Variants in RYR3 observed in about 807,000 individuals in gnomAD.
RYR3 encodes ryanodine receptor 3.
Under a neutral mutation model 584.3 loss-of-function variants are expected in RYR3, and 207 were observed. That is an observed-to-expected ratio of 0.35 (90% CI 0.32 to 0.40). RYR3 has a LOEUF of 0.40. RYR3 is among the 10% of genes least tolerant of loss of function. The pLI, the probability that RYR3 is intolerant of heterozygous loss-of-function variation, is 1.00. For missense variants in RYR3, 5,616 were observed against 6,089.2 expected (o/e 0.92, Z 2.59); for synonymous variants, 2,416 against 2,248.5 (o/e 1.07, Z -2.11).
At chr15:33,473,398 G>T in intron 1 of RYR3, 21 bp from the exon 2 acceptor site, 2 of 1,613,376 alleles carry the variant, frequency 1.2e-6, no homozygotes, top group South Asian at 1.1e-5. Context: ...ACTCATGTTT[G>T]GGTCTCTCTT....
chr15:33,626,422 A>C lies in RYR3; in HGVS notation c.2575-2049A>C, dbSNP rs148483019. ...GAAATTTCTAAGCAGCAAAGCATTC[A>C]AGAGGAAGCAGAGCGTAAAAGTTTG... On this transcript the variant is annotated intron_variant, in intron 20 of 103. Coordinates refer to ENST00000634891, the MANE Select transcript of RYR3 (RefSeq NM_001036.6). 2.6e-5 allele frequency among the ~76,000 whole-genome samples: 4 copies of C among 152,330 alleles called. No homozygotes were observed. The East Asian group carries it at 7.7e-4, about 29-fold the overall frequency.
chr15:33,436,655 C>T (rs2045754669), intron 1 of RYR3, among the ~76,000 whole-genome samples: 1 of 147,372 alleles, frequency 6.8e-6, no homozygotes, highest in Non-Finnish European at 1.5e-5. Context: ...TGCCTGCCAC[C>T]ACGCCAGGCT....
chr15:33,802,206 C>T lies in RYR3; in HGVS notation c.10011+245C>T, dbSNP rs144293217. The T allele has an allele frequency of 4.7e-4, 286 of 609,428 alleles. 1 individual carries two copies. In the African/African-American group the frequency reaches 4.9e-3, roughly 10 times the overall value. 37.8% of individuals were successfully genotyped at this position (609,428 alleles called of 1,614,324 possible). ...AAAAAGCTTAAGTTTCAAGACTTGC[C>T]TAAGGCATTTGAGAGGTCTCCAAAA... is the stretch of plus-strand genomic sequence containing the variant. On this transcript the variant is annotated intron_variant, in intron 69 of 103. Transcript: ENST00000634891.
chr15:33,836,773 A>G (rs1567282652), intron 87 of RYR3, 133 bp from the exon 88 acceptor site: 1 of 617,546 alleles, frequency 1.6e-6, no homozygotes, highest in Non-Finnish European at 2.9e-6. Flanking sequence ...CTCATTCAGA[A>G]TGAGAAGGAA....
chr15:33,429,565 A>C (rs1393420480), intron 1 of RYR3, among the ~76,000 whole-genome samples: 1 of 152,148 alleles, frequency 6.6e-6, no homozygotes, highest in Non-Finnish European at 1.5e-5. Flanking sequence ...TGCTGTCTCT[A>C]ATGTTTTCAT....
intron 19 of RYR3, among the ~76,000 whole-genome samples, 192 bp downstream of exon 19, chr15:33,613,567 G>T (rs959364087): frequency 3.9e-5 from 6 of 152,142 alleles, no homozygotes; most frequent in African/African-American, 1.2e-4. Context: ...CCTCCCCCAG[G>T]GGTTGTATTA....
intron 1 of RYR3, among the ~76,000 whole-genome samples, chr15:33,408,250 A>G (rs1342531549): frequency 6.6e-6 from 1 of 152,162 alleles, no homozygotes; most frequent in Non-Finnish European, 1.5e-5. Flanking sequence ...AAGTGAGAAC[A>G]TGTATTCAGT....
chr15:33,313,159 T>A (rs8027734), intron 1 of RYR3, among the ~76,000 whole-genome samples: 4,305 of 152,308 alleles, frequency 0.028, 162 homozygotes, highest in East Asian at 0.11. Context: ...TTTTAAGGTG[T>A]GTTCCTCATT....
At chr15:33,566,835 T>A in intron 12 of RYR3, 36 bp downstream of exon 12, 2 of 1,612,260 alleles carry the variant, frequency 1.2e-6, no homozygotes, top group Non-Finnish European at 1.7e-6. Flanking sequence ...CCTAGTGAGT[T>A]TGACTCTGTG....
At chr15:33,746,285 C>A in intron 53 of RYR3, 128 bp downstream of exon 53, 1 of 722,256 alleles carries the variant, frequency 1.4e-6, no homozygotes. Flanking sequence ...ACTCAGTAAA[C>A]TGTTCACAAG....
chr15:33,476,682 G>C (rs541945991), intron 2 of RYR3, among the ~76,000 whole-genome samples: 28 of 152,220 alleles, frequency 1.8e-4, no homozygotes, highest in Admixed American at 7.2e-4. Context: ...TAGAATTAAT[G>C]GTGTCGGAAG....
chr15:33,857,857 C>T lies in RYR3; in HGVS notation c.14085C>T (p.Phe4695=), dbSNP rs781110053. The change falls in exon 99 of 104, where the codon TTC becomes TTT. Residue 4695 remains phenylalanine, a synonymous_variant. Transcript: ENST00000634891. ...TGGCTTTCAACTTCTTCCGCAAGTT[C>T]TACAACAAAAGCGAAGACGATGACG... is the stretch of plus-strand genomic sequence containing the variant. The part of the protein sequence containing the change: ...TVVAFNFFRK[F]YNKSEDDDEP... 1.2e-6 allele frequency: 2 copies of T among 1,614,162 alleles called. No homozygotes were observed. The highest frequency in any genetic ancestry group is 2.2e-5 in the South Asian group (2 of 91,080).
At chr15:33,759,360 G>A (rs2072199010) in intron 60 of RYR3, among the ~76,000 whole-genome samples, 2 of 152,184 alleles carry the variant, frequency 1.3e-5, no homozygotes, top group South Asian at 4.1e-4. Context: ...ACCTAAAGGA[G>A]CATGTTCTCG....
At chr15:33,413,654 C>T (rs1313953811) in intron 1 of RYR3, among the ~76,000 whole-genome samples, 1 of 152,234 alleles carries the variant, frequency 6.6e-6, no homozygotes, top group East Asian at 1.9e-4. Flanking sequence ...TAAAGGGCCT[C>T]TGCACTGAGG....
intron 65 of RYR3, among the ~76,000 whole-genome samples, chr15:33,781,945 A>G (rs763090487): frequency 2.0e-5 from 3 of 151,998 alleles, no homozygotes; most frequent in Non-Finnish European, 4.4e-5. Context: ...GAAGCTGAGC[A>G]GCAGAGCAGA....
At chr15:33,685,242 T>A (rs1278339804) in intron 38 of RYR3, among the ~76,000 whole-genome samples, 1 of 152,112 alleles carries the variant, frequency 6.6e-6, no homozygotes, top group African/African-American at 2.4e-5. Flanking sequence ...AACAAAGGGA[T>A]GGAGGAAGAT....
chr15:33,523,095 T>C (rs1385859747), intron 3 of RYR3, among the ~76,000 whole-genome samples: 1 of 152,018 alleles, frequency 6.6e-6, no homozygotes, highest in Non-Finnish European at 1.5e-5. Flanking sequence ...GCCTAAAGGA[T>C]TGTAAATGCA....
Position 33,312,383 on chromosome 15 carries a change from G to T in RYR3, c.51+1287G>T, listed in dbSNP as rs1455768944. The stretch of plus-strand genomic sequence containing the variant: ...CTGGGACTTGGGTCTTATTTGGGGG[G>T]GGTATGGAAGTACCTATCGCCCTGC... On this transcript the variant is annotated intron_variant, in intron 1 of 103. Coordinates refer to ENST00000634891, the MANE Select transcript of RYR3 (RefSeq NM_001036.6). 2.6e-5 allele frequency among the ~76,000 whole-genome samples: 4 copies of T among 152,156 alleles called. No individual in the cohort carries two copies. In the East Asian group the frequency reaches 7.7e-4, roughly 29 times the overall value.
In RYR3 at chr15:33,738,594, A is replaced by G. The variant is rs1250189638; in HGVS notation, c.7656+4A>G. 1 of 1,613,890 alleles carries G rather than the reference A, an allele frequency of 6.2e-7. No individual in the cohort carries two copies. The highest frequency in any genetic ancestry group is 8.5e-7 in the Non-Finnish European group (1 of 1,179,810). ...TTTTGACTCGCTCTCCCATAAGGTA[A>G]TGACAGTACTTTCTGAACAAAAAGA... On this transcript the variant is annotated splice_donor_region_variant and intron_variant, in intron 50 of 103. Coordinates refer to ENST00000634891, the MANE Select transcript of RYR3 (RefSeq NM_001036.6).
Sources: allele counts gnomAD v4.1 joint callset (sites outside exome capture counted in the v4.1 genomes callset), GRCh38; gene constraint gnomAD v4.1.1; transcripts MANE v1.5; gene names NCBI Gene and HGNC (gene_info 2026-07-23, HGNC 2026-07-21).